The following SYTL5 variants were observed in gnomAD, a reference collection of about 807,000 sequenced individuals.
SYTL5 encodes synaptotagmin-like protein 5.
Under a neutral mutation model 55.9 loss-of-function variants are expected in SYTL5, and 34 were observed. The ratio of observed to expected loss-of-function variants is 0.61; its 90% CI spans 0.46 to 0.81. The LOEUF is 0.81. Ranked by LOEUF, SYTL5 falls within the 30% of genes least tolerant of loss-of-function variation. SYTL5 has a pLI of 0.00. For synonymous variants in SYTL5, 221 were observed against 188.7 expected (o/e 1.17, Z -1.40); for missense variants, 637 against 546.7 (o/e 1.17, Z -1.65).
intron 12 of SYTL5, 147 bp downstream of exon 12, chrX:38,108,846 C>T (rs1363370516): frequency 7.4e-6 from 3 of 405,022 alleles, no homozygotes; most frequent in Admixed American, 8.6e-5. Flanking sequence ...ACATAATAAC[C>T]TTGACTTTTC....
intron 6 of SYTL5, among the ~76,000 whole-genome samples, chrX:38,078,873 A>G (rs1936456867): frequency 8.9e-6 from 1 of 112,490 alleles, no homozygotes; most frequent in South Asian, 3.7e-4. Flanking sequence ...CTTAAATTGT[A>G]AATACCTGAA....
At chrX:37,921,283 T>G in the SYTL5 span, among the ~76,000 whole-genome samples, 1 of 111,602 alleles carries the variant, frequency 9.0e-6, no homozygotes, top group Non-Finnish European at 1.9e-5. Context: ...TGTTAACTCC[T>G]ATATGAAACT....
intron 3 of SYTL5, among the ~76,000 whole-genome samples, chrX:38,070,161 C>G (rs750561228): frequency 9.0e-6 from 1 of 111,463 alleles, no homozygotes; most frequent in African/African-American, 3.3e-5. Context: ...CCTCAGATTC[C>G]GAAGCAGATT....
chrX:37,973,972 AT>A, the SYTL5 span, among the ~76,000 whole-genome samples: 1 of 111,705 alleles, frequency 9.0e-6, no homozygotes, highest in Non-Finnish European at 1.9e-5. Flanking sequence ...ATACTGAATA[AT>A]TTCACTTATA....
At chrX:37,996,853 A>C in the SYTL5 span, among the ~76,000 whole-genome samples, 1 of 112,214 alleles carries the variant, frequency 8.9e-6, no homozygotes, top group African/African-American at 3.2e-5. Flanking sequence ...GAGTCTAGAA[A>C]GAGAGGTACT....
At chrX:38,118,294 G>A (rs955589938) in intron 13 of SYTL5, among the ~76,000 whole-genome samples, 1 of 112,073 alleles carries the variant, frequency 8.9e-6, no homozygotes, top group South Asian at 3.7e-4. Context: ...AAAAGGGAAA[G>A]TCAGGCAAGG....
At chrX:38,076,275 A>T (rs1470531233) in intron 5 of SYTL5, among the ~76,000 whole-genome samples, 2 of 111,877 alleles carry the variant, frequency 1.8e-5, no homozygotes, top group African/African-American at 6.5e-5. Context: ...AACTCAGGGA[A>T]TGCATCTTCT....
chrX:38,126,145 T>C (rs1263370964), intron 16 of SYTL5, among the ~76,000 whole-genome samples: 1 of 111,825 alleles, frequency 8.9e-6, no homozygotes, highest in African/African-American at 3.3e-5. Context: ...GCATACACCA[T>C]GGTAAACATT....
chrX:38,045,673 C>G (rs899286112), intron 2 of SYTL5, among the ~76,000 whole-genome samples: 3 of 112,322 alleles, frequency 2.7e-5, no homozygotes, highest in African/African-American at 9.7e-5. Flanking sequence ...AACAAGTGTT[C>G]TTTTACTCCT....
chrX:37,896,273 CT>C, the SYTL5 span, among the ~76,000 whole-genome samples: 4 of 111,823 alleles, frequency 3.6e-5, no homozygotes, highest in African/African-American at 9.7e-5. Flanking sequence ...AATGGAGAGT[CT>C]TTTTTTCAAT....
chrX:38,096,946 T>C (rs995701935), intron 9 of SYTL5, among the ~76,000 whole-genome samples: 7 of 111,370 alleles, frequency 6.3e-5, no homozygotes, highest in African/African-American at 2.3e-4. Context: ...ATTTCAAAGT[T>C]TACTCATGTT....
At chrX:37,896,545 G>A in the SYTL5 span, among the ~76,000 whole-genome samples, 2 of 111,511 alleles carry the variant, frequency 1.8e-5, no homozygotes, top group African/African-American at 3.3e-5. Flanking sequence ...GTGCTGGTTC[G>A]CTGGGGCTTA....
the SYTL5 span, among the ~76,000 whole-genome samples, chrX:37,948,518 T>C: frequency 1.5e-4 from 17 of 110,263 alleles, no homozygotes; most frequent in African/African-American, 5.6e-4. Context: ...AGAATTTATA[T>C]ATTTACATAT....
chrX:37,916,631 C>T, the SYTL5 span, among the ~76,000 whole-genome samples: 1 of 111,982 alleles, frequency 8.9e-6, no homozygotes, highest in Non-Finnish European at 1.9e-5. Flanking sequence ...TCTACAATAC[C>T]TACTGGTTGA....
intron 1 of SYTL5, among the ~76,000 whole-genome samples, chrX:38,019,204 C>T (rs902077998): frequency 2.7e-5 from 3 of 112,130 alleles, no homozygotes; most frequent in African/African-American, 9.7e-5. Context: ...CAGCCTCTTT[C>T]GCTGTGTTTC....
the SYTL5 span, among the ~76,000 whole-genome samples, chrX:37,993,761 C>T: frequency 1.8e-5 from 2 of 112,466 alleles, no homozygotes; most frequent in Non-Finnish European, 3.8e-5. Flanking sequence ...CAAGGCTAAA[C>T]TTAAAGAACC....
intron 4 of SYTL5, among the ~76,000 whole-genome samples, chrX:38,073,114 C>T (rs1476801372): frequency 1.8e-5 from 2 of 111,870 alleles, no homozygotes; most frequent in Non-Finnish European, 3.8e-5. Context: ...CAGCCATGGC[C>T]TCTTCTTCCA....
intron 11 of SYTL5, among the ~76,000 whole-genome samples, chrX:38,108,091 A>T (rs1458640920): frequency 9.0e-6 from 1 of 111,707 alleles, no homozygotes; most frequent in African/African-American, 3.3e-5. Flanking sequence ...ATTACCATTG[A>T]CCCCACTCTC....
rs1436477863 is a variant in SYTL5 at position 38,033,994 on chromosome X, G to A, written c.105G>A (p.Glu35=). The A allele has an allele frequency of 1.7e-6, 2 of 1,151,140 alleles. No homozygotes were observed. The highest frequency in any genetic ancestry group is 1.9e-5 in the South Asian group (1 of 52,944). 94.9% of individuals were successfully genotyped at this position (1,151,140 alleles called of 1,213,427 possible). Residue 35 remains glutamate (E), a synonymous_variant, in exon 2 of 17, where the codon GAG becomes GAA. Coordinates refer to ENST00000297875, the MANE Select transcript of SYTL5 (RefSeq NM_138780.3). Reference sequence around the variant, plus strand: ...GAGATGAATATTTGAAAAAAGTGGAGGACAAGAGAATAAGGTAGTATTCTT... The same window carrying A: ...GAGATGAATATTTGAAAAAAGTGGAAGACAAGAGAATAAGGTAGTATTCTT... The part of the protein sequence containing the change: ...LKRDEYLKKV[E]DKRIRKLKNE...
Sources: gnomAD v4.1 joint callset for allele counts (sites outside exome capture counted in the v4.1 genomes callset) on GRCh38, gnomAD v4.1.1 for gene constraint, MANE v1.5 for transcripts, NCBI Gene and HGNC (gene_info 2026-07-23, HGNC 2026-07-21) for gene names.